ERF: variants seen among roughly 807,000 people sequenced by gnomAD.
The protein encoded by ERF is ETS2 repressor factor.
In ERF, 10 loss-of-function variants were observed where a neutral mutation model predicts 41.6. That is an observed-to-expected ratio of 0.24 (90% CI 0.15 to 0.41). ERF has a LOEUF of 0.41. Among genes scored for constraint, ERF ranks in the 10% least tolerant of loss-of-function variants. ERF has a pLI of 1.00. For synonymous variants in ERF, 395 were observed against 342.4 expected (o/e 1.15, Z -1.70); for missense variants, 621 against 763.2 (o/e 0.81, Z 2.19).
In ERF at chr19:42,248,960, G is replaced by C. The variant is rs772786203; in HGVS notation, c.1152C>G (p.Leu384=). ...CCCCAGCTGCCCGCTGCCGGCGTCC[G>C]AGTGGGGGCGGCTGGAGCTTAAACT... ...PFKFKLQPPP[L]GRRQRAAGEK... is the part of the protein sequence containing the mutation. The change falls in exon 4 of 4, where the codon CTC becomes CTG. Residue 384 remains leucine (L), a synonymous_variant. Transcript: ENST00000222329. This position sits in a 1 kb window ranked among gnomAD's most constrained non-coding sequence, Gnocchi z 4.2. 1.9e-6 allele frequency: 3 copies of C among 1,606,530 alleles called. No individual in the cohort carries two copies. Among genetic ancestry groups the C allele is most frequent in the African/African-American group, 2.7e-5 (2 of 74,928 alleles).
In ERF at chr19:42,249,799, C is replaced by G; in HGVS notation, c.373+28G>C. Reference sequence around the variant, plus strand: ...TAGCCTGAAGGGGCATGTAGACCCTCTCCACACCAACCATCCCTGGTACTC... The same window carrying G: ...TAGCCTGAAGGGGCATGTAGACCCTGTCCACACCAACCATCCCTGGTACTC... On this transcript the variant is annotated intron_variant, in intron 3 of 3. Transcript: ENST00000222329. The surrounding 1 kb of genome is among the most constrained non-coding windows in gnomAD (Gnocchi z 8.6). 6.2e-7 allele frequency: 1 copy of G among 1,614,126 alleles called. No homozygotes were observed. Among genetic ancestry groups the G allele is most frequent in the East Asian group, 2.2e-5 (1 of 44,882 alleles).
chr19:42,249,804 C>T lies in ERF; in HGVS notation c.373+23G>A. The T allele has an allele frequency of 6.2e-7, 1 of 1,614,162 alleles. No individual in the cohort carries two copies. Among genetic ancestry groups the T allele is most frequent in the East Asian group, 2.2e-5 (1 of 44,882 alleles). ...TGAAGGGGCATGTAGACCCTCTCCA[C>T]ACCAACCATCCCTGGTACTCACCAG... On this transcript the variant is annotated intron_variant, in intron 3 of 3. Coordinates refer to ENST00000222329, the MANE Select transcript of ERF (RefSeq NM_006494.4). This position sits in a 1 kb window ranked among gnomAD's most constrained non-coding sequence, Gnocchi z 8.6.
Position 42,249,758 on chromosome 19 carries a change from G to A in ERF, c.374-20C>T. The stretch of plus-strand genomic sequence containing the variant: ...CACCCCCTGGCAGAAGGGAGACAGT[G>A]TCAAGGCCCCTGGCCTAGCCTGAAG... On this transcript the variant is annotated intron_variant, in intron 3 of 3. Coordinates refer to ENST00000222329, the MANE Select transcript of ERF (RefSeq NM_006494.4). This position sits in a 1 kb window ranked among gnomAD's most constrained non-coding sequence, Gnocchi z 8.6. 3.7e-6 allele frequency: 6 copies of A among 1,611,970 alleles called. No individual in the cohort carries two copies. Among genetic ancestry groups the A allele is most frequent in the Non-Finnish European group, 5.1e-6 (6 of 1,178,462 alleles).
At chr19:42,254,564 G>C (rs1385800912) in intron 1 of ERF, 1 of 164,824 alleles carries the variant, frequency 6.1e-6, no homozygotes, top group African/African-American at 2.4e-5. Context: ...CCGCCGTGAA[G>C]GTCACCAGCA....
intron 1 of ERF, among the ~76,000 whole-genome samples, chr19:42,251,875 A>T (rs1444534774): frequency 6.6e-6 from 1 of 151,962 alleles, no homozygotes; most frequent in African/African-American, 2.4e-5. Flanking sequence ...TCCTGCCCAG[A>T]CTGGGCTGCA....
At position 42,249,644 on chromosome 19, in the gene ERF, G is replaced by A. The variant is rs1175888475; in HGVS notation, c.468C>T (p.Thr156=). 35 of 1,610,258 alleles carry A rather than the reference G, an allele frequency of 2.2e-5. No individual in the cohort carries two copies. The highest frequency in any genetic ancestry group is 9.4e-5 in the African/African-American group (7 of 74,862). The change falls in exon 4 of 4, where the codon ACC becomes ACT. Residue 156 remains threonine (T), a synonymous_variant. Coordinates refer to ENST00000222329, the MANE Select transcript of ERF (RefSeq NM_006494.4). This position sits in a 1 kb window ranked among gnomAD's most constrained non-coding sequence, Gnocchi z 8.6. ...AGGCTGGTGGTGAGCGGGGGTCCTC[G>A]GTGGGGGACAGCACCTCGGAGGGCG... The part of the protein sequence containing the change: ...PSTPSEVLSP[T]EDPRSPPACS...
chr19:42,252,060 T>A (rs1001213075), intron 1 of ERF, among the ~76,000 whole-genome samples: 1 of 152,130 alleles, frequency 6.6e-6, no homozygotes, highest in Non-Finnish European at 1.5e-5. Context: ...CAGAGCACCA[T>A]CGCTCTCTTG....
intron 1 of ERF, among the ~76,000 whole-genome samples, chr19:42,253,181 G>A (rs557120196): frequency 6.6e-6 from 1 of 152,324 alleles, no homozygotes; most frequent in African/African-American, 2.4e-5. Context: ...GGTCGGAAGG[G>A]AGGAGTGGTG....
chr19:42,247,954 G>A lies in ERF; in HGVS notation c.*511C>T, dbSNP rs2036356017. The A allele has an allele frequency of 6.6e-6, 1 of 152,646 alleles. No homozygotes were observed. Among genetic ancestry groups the A allele is most frequent in the Non-Finnish European group, 1.5e-5 (1 of 68,230 alleles). 9.5% of individuals were successfully genotyped at this position (152,646 alleles called of 1,614,324 possible). ...TAAAATTGTCCCTCCCTCCCCTGCT[G>A]TGACCTTGTGGGGTATGAGAAACCT... On this transcript the variant is annotated 3_prime_UTR_variant, in exon 4 of 4. Transcript: ENST00000222329.
Position 42,249,861 on chromosome 19 carries a change from C to T in ERF, c.339G>A (p.Leu113=). Residue 113 remains leucine (L), a synonymous_variant, in exon 3 of 4, where the codon CTG becomes CTA. Coordinates refer to ENST00000222329, the MANE Select transcript of ERF (RefSeq NM_006494.4). The surrounding 1 kb of genome is among the most constrained non-coding windows in gnomAD (Gnocchi z 8.6). ...TYKFNFNKLV[L]VNYPFIDVGL... is the part of the protein sequence containing the mutation. ...CCACATCAATGAATGGGTAATTGACCAGCACCAGTTTGTTGAAATTGAACT... is the reference window on the plus strand; with the variant it reads ...CCACATCAATGAATGGGTAATTGACTAGCACCAGTTTGTTGAAATTGAACT... The T allele has an allele frequency of 2.5e-6, 4 of 1,614,136 alleles. No individual in the cohort carries two copies. The highest frequency in any genetic ancestry group is 1.1e-5 in the South Asian group (1 of 91,084).
chr19:42,251,367 C>T, intron 1 of ERF: 6 of 985,330 alleles, frequency 6.1e-6, no homozygotes, highest in Non-Finnish European at 7.2e-6. Context: ...TGCCCACCTG[C>T]CTGCCCACCC....
chr19:42,249,017 C>G lies in ERF; in HGVS notation c.1095G>C (p.Ser365=). The change falls in exon 4 of 4, where the codon TCG becomes TCC. Residue 365 remains serine (S), a synonymous_variant. Transcript: ENST00000222329. The surrounding 1 kb of genome is among the most constrained non-coding windows in gnomAD (Gnocchi z 8.6). ...PETPPVPSSA[S]SSSSSSSSPF... ...GGGAGGAAGAAGAAGAAGAGGATGA[C>G]GAGGCCGAGGAGGGGACCGGTGGGG... The G allele has an allele frequency of 6.2e-7, 1 of 1,610,466 alleles. No individual in the cohort carries two copies. Among genetic ancestry groups the G allele is most frequent in the Non-Finnish European group, 8.5e-7 (1 of 1,178,758 alleles).
At position 42,249,006 on chromosome 19, in the gene ERF, G is replaced by C. The variant is rs1049744926; in HGVS notation, c.1106C>G (p.Ser369Cys). The C allele has an allele frequency of 1.2e-6, 2 of 1,610,104 alleles. No homozygotes were observed. The highest frequency in any genetic ancestry group is 8.5e-7 in the Non-Finnish European group (1 of 1,179,050). ...AAACTTGAATGGGGAGGAAGAAGAA[G>C]AAGAGGATGACGAGGCCGAGGAGGG... is the stretch of plus-strand genomic sequence containing the variant. ...PVPSSASSSSSSSSSPFKFKL... is the reference protein window; with the variant it reads ...PVPSSASSSSCSSSSPFKFKL... Residue 369 changes from serine to cysteine, a missense_variant, in exon 4 of 4, where the codon TCT becomes TGT. By Grantham distance (112) the Ser-to-Cys change is moderately radical. Coordinates refer to ENST00000222329, the MANE Select transcript of ERF (RefSeq NM_006494.4). This position sits in a 1 kb window ranked among gnomAD's most constrained non-coding sequence, Gnocchi z 8.6.
rs2036428157 is a variant in ERF, at chr19:42,250,571, G to T, written c.23-6C>A. The T allele has an allele frequency of 1.9e-6, 3 of 1,612,390 alleles. No individual in the cohort carries two copies. The African/African-American group carries it at 4.0e-5, about 22-fold the overall frequency. On this transcript the variant is annotated splice_polypyrimidine_tract_variant and splice_region_variant and intron_variant, in intron 1 of 3. Coordinates refer to ENST00000222329, the MANE Select transcript of ERF (RefSeq NM_006494.4). The surrounding 1 kb of genome is among the most constrained non-coding windows in gnomAD (Gnocchi z 5.1). ...CCAATCCGGGAAGGCAAACCCTGGG[G>T]ACGGGAGGCAGGGAGTGGCCTGGGG... is the stretch of plus-strand genomic sequence containing the variant.
chr19:42,254,719 C>T (rs1293715476), intron 1 of ERF: 2 of 358,816 alleles, frequency 5.6e-6, no homozygotes, highest in African/African-American at 4.3e-5. Flanking sequence ...TGGGGGAGAG[C>T]CCGGCCTGCG....
intron 1 of ERF, 116 bp downstream of exon 1, chr19:42,254,862 C>T (rs1199852384): frequency 1.7e-5 from 21 of 1,209,360 alleles, no homozygotes; most frequent in Non-Finnish European, 2.1e-5. Flanking sequence ...CTTGAGGGGT[C>T]CCCCAGAACT....
Position 42,250,351 on chromosome 19 carries a change from G to C in ERF, c.237C>G (p.Asp79Glu). ...VRKCKPQMNY[D>E]KLSRALRYYY... ...CTCACCGCAGGGCCCGGCTCAGCTT[G>C]TCGTAATTCATCTGGGGCTTGCACT... Residue 79 changes from aspartate to glutamate, a missense_variant, in exon 2 of 4, where the codon GAC becomes GAG. Asp to Glu is a conservative substitution (Grantham distance 45). Coordinates refer to ENST00000222329, the MANE Select transcript of ERF (RefSeq NM_006494.4). This position sits in a 1 kb window ranked among gnomAD's most constrained non-coding sequence, Gnocchi z 5.1. The C allele has an allele frequency of 1.2e-6, 2 of 1,614,094 alleles. No homozygotes were observed. The highest frequency in any genetic ancestry group is 1.7e-6 in the Non-Finnish European group (2 of 1,180,010).
rs150750115 is a variant in ERF, at chr19:42,248,846, T to C, written c.1266A>G (p.Pro422=). 1.1e-5 allele frequency: 17 copies of C among 1,611,246 alleles called. No homozygotes were observed. The highest frequency in any genetic ancestry group is 1.7e-4 in the Middle Eastern group (1 of 6,056). Residue 422 remains proline, a synonymous_variant, in exon 4 of 4, where the codon CCA becomes CCG. Transcript: ENST00000222329. This position sits in a 1 kb window ranked among gnomAD's most constrained non-coding sequence, Gnocchi z 4.2. ...GAGALAPPPP[P]PQIKVEPISE... The stretch of plus-strand genomic sequence containing the variant: ...AGATGGGCTCCACCTTGATCTGTGG[T>C]GGCGGGGGCGGTGGGGCTAGCGCCC...
chr19:42,251,130 G>A (rs1332388681), intron 1 of ERF: 1 of 801,506 alleles, frequency 1.2e-6, no homozygotes, highest in Non-Finnish European at 1.5e-6. Flanking sequence ...TGCCGATGAG[G>A]TCAGCGCTTG....
Sources: allele counts gnomAD v4.1 joint callset (sites outside exome capture counted in the v4.1 genomes callset), GRCh38; gene constraint gnomAD v4.1.1; non-coding constraint Gnocchi (gnomAD v3.1); transcripts MANE v1.5; gene names NCBI Gene and HGNC (gene_info 2026-07-23, HGNC 2026-07-21).